The following CERS3 variants were observed in gnomAD, a reference collection of about 807,000 sequenced individuals.
The protein encoded by CERS3 is ceramide synthase 3.
In CERS3, 33 loss-of-function variants were observed where a neutral mutation model predicts 50.3. The ratio of observed to expected loss-of-function variants is 0.66; its 90% CI spans 0.50 to 0.88. The LOEUF is 0.88. CERS3 is among the 40% of genes least tolerant of loss of function. The pLI, the probability that CERS3 is intolerant of heterozygous loss-of-function variation, is 0.00. For missense variants in CERS3, 470 were observed against 460.3 expected (o/e 1.02, Z -0.19); for synonymous variants, 176 against 155.2 (o/e 1.13, Z -0.99).
intron 11 of CERS3, chr15:100,437,888 C>A (rs1008273829): frequency 6.6e-6 from 1 of 151,954 alleles, no homozygotes; most frequent in Non-Finnish European, 1.5e-5. Flanking sequence ...GCTATCTAAC[C>A]GCTTTACTTG....
chr15:100,446,190 A>G (rs762832902), intron 11 of CERS3, among the ~76,000 whole-genome samples: 46 of 152,348 alleles, frequency 3.0e-4, no homozygotes, highest in South Asian at 8.3e-4. Flanking sequence ...CTCTTCACAC[A>G]GACGTGCATG....
chr15:100,502,251 G>GAAAAAAAAAAAAAAAAAAAAAAAA (rs58654483), intron 2 of CERS3, among the ~76,000 whole-genome samples: 7 of 113,694 alleles, frequency 6.2e-5, no homozygotes, highest in Admixed American at 1.1e-4. Context: ...CTCAAAAAAA[G>GAAAAAAAAAAAAAAAAAAAAAAAA]AAAAAAAAAA....
At chr15:100,439,415 T>C (rs2033579166) in intron 11 of CERS3, among the ~76,000 whole-genome samples, 1 of 152,040 alleles carries the variant, frequency 6.6e-6, no homozygotes, top group African/African-American at 2.4e-5. Context: ...ATTCTTTGCA[T>C]ATTTAAAGTT....
At chr15:100,407,222 C>T (rs1396906816) in intron 11 of CERS3, among the ~76,000 whole-genome samples, 1 of 152,200 alleles carries the variant, frequency 6.6e-6, no homozygotes, top group Non-Finnish European at 1.5e-5. Flanking sequence ...CCCATCTCTG[C>T]AAGACTTAAA....
chr15:100,508,266 CT>C (rs753361281), intron 2 of CERS3, among the ~76,000 whole-genome samples: 1 of 152,084 alleles, frequency 6.6e-6, no homozygotes, highest in Non-Finnish European at 1.5e-5. Context: ...ATTTTTGCCC[CT>C]GTTCTTCCTG....
intron 4 of CERS3, among the ~76,000 whole-genome samples, chr15:100,487,513 G>A (rs1230723513): frequency 6.6e-6 from 1 of 152,152 alleles, no homozygotes; most frequent in African/African-American, 2.4e-5. Flanking sequence ...ACCTTACATG[G>A]TCTGTCCTCA....
At chr15:100,474,565 T>C (rs55835612) in intron 8 of CERS3, among the ~76,000 whole-genome samples, 17,728 of 152,084 alleles carry the variant, frequency 0.12, 1,490 homozygotes, top group African/African-American at 0.23. Flanking sequence ...CCACCACACC[T>C]GGCTAATTTT....
intron 5 of CERS3, among the ~76,000 whole-genome samples, chr15:100,483,780 TA>T (rs1447338686): frequency 7.1e-3 from 476 of 67,048 alleles, no homozygotes; most frequent in Middle Eastern, 0.02. Context: ...TAATAATTAT[TA>T]TTATTATTTT....
chr15:100,536,807 G>T (rs1401419068), intron 1 of CERS3, among the ~76,000 whole-genome samples: 1 of 152,154 alleles, frequency 6.6e-6, no homozygotes, highest in East Asian at 1.9e-4. Context: ...ATTTATATGA[G>T]TTGCACCACC....
rs376193924 is a variant in CERS3, at chr15:100,511,784, T to C, written c.-2+9883A>G. ...ACTGGGAGCCTGGTTTCCATTAATG[T>C]TCTGTTACATGCCCTGGAGAGGAGC... On this transcript the variant is annotated intron_variant, in intron 2 of 11. Transcript: ENST00000679737. Among the ~76,000 whole-genome samples, 8 of 15,592 alleles carry C rather than the reference T, an allele frequency of 5.1e-4. 1 individual carries two copies. Among genetic ancestry groups the C allele is most frequent in the South Asian group, 2.2e-3 (1 of 452 alleles). The allele number at this position is 15,592 out of a possible 152,430, so 10.2% of individuals were successfully genotyped here. A position where few individuals can be genotyped will look rare whatever the true frequency, so the allele number is the denominator to read the frequency against.
chr15:100,459,059 A>G (rs2034466475), intron 10 of CERS3, among the ~76,000 whole-genome samples: 1 of 152,250 alleles, frequency 6.6e-6, no homozygotes, highest in Non-Finnish European at 1.5e-5. Flanking sequence ...TAGAAAGTAC[A>G]TACATTAGTG....
At chr15:100,471,766 A>G (rs1468599850) in intron 9 of CERS3, among the ~76,000 whole-genome samples, 1 of 152,202 alleles carries the variant, frequency 6.6e-6, no homozygotes, top group Non-Finnish European at 1.5e-5. Context: ...TCTAATGATG[A>G]TTACATACAG....
At chr15:100,458,558 C>T (rs979541638) in intron 10 of CERS3, among the ~76,000 whole-genome samples, 5 of 148,466 alleles carry the variant, frequency 3.4e-5, no homozygotes, top group Non-Finnish European at 7.4e-5. Context: ...TGCACTCTAG[C>T]CTGGGTGACA....
chr15:100,530,492 C>G (rs947162961), upstream of CERS3, among the ~76,000 whole-genome samples: 1 of 152,242 alleles, frequency 6.6e-6, no homozygotes. Flanking sequence ...CCTGCTCAAG[C>G]TTCCCTAGCC....
chr15:100,417,582 G>T (rs1596619618), intron 11 of CERS3, among the ~76,000 whole-genome samples: 2 of 152,096 alleles, frequency 1.3e-5, no homozygotes, highest in East Asian at 3.9e-4. Flanking sequence ...GCCCACCACA[G>T]CTCAAGGAGG....
At chr15:100,476,238 T>A in intron 7 of CERS3, 60 bp from the exon 8 acceptor site, 1 of 1,113,730 alleles carries the variant, frequency 9.0e-7, no homozygotes, top group South Asian at 1.5e-5. Flanking sequence ...CTCATTTTAA[T>A]GCACTAAAAC....
At chr15:100,469,823 G>T (rs1479460925) in intron 9 of CERS3, among the ~76,000 whole-genome samples, 1 of 152,140 alleles carries the variant, frequency 6.6e-6, no homozygotes, top group Non-Finnish European at 1.5e-5. Context: ...CTTCATGTGG[G>T]CATTTATTTC....
intron 3 of CERS3, among the ~76,000 whole-genome samples, chr15:100,497,910 T>TTA (rs1279851412): frequency 6.7e-6 from 1 of 148,932 alleles, no homozygotes; most frequent in Non-Finnish European, 1.5e-5. Flanking sequence ...TTTTTTTTTT[T>TTA]TTGAGATGGA....
chr15:100,519,672 A>T (rs997015262), intron 2 of CERS3, among the ~76,000 whole-genome samples: 3 of 152,136 alleles, frequency 2.0e-5, no homozygotes, highest in African/African-American at 7.2e-5. Flanking sequence ...GCTAGTACAC[A>T]AGGTTGGGAA....
Sources: allele counts gnomAD v4.1 joint callset (sites outside exome capture counted in the v4.1 genomes callset), GRCh38; gene constraint gnomAD v4.1.1; transcripts MANE v1.5; gene names NCBI Gene and HGNC (gene_info 2026-07-23, HGNC 2026-07-21).